The following RARB variants were observed in gnomAD, a reference collection of about 807,000 sequenced individuals.
RARB encodes the protein retinoic acid receptor beta, also known as HBV-activated protein.
In RARB, 17 loss-of-function variants were observed where a neutral mutation model predicts 51.9. The ratio of observed to expected loss-of-function variants is 0.33; its 90% confidence interval spans 0.22 to 0.49. RARB has a LOEUF of 0.49. Ranked by LOEUF, RARB falls within the 20% of genes least tolerant of loss-of-function variation. The pLI is 0.99. For synonymous variants in RARB, 215 were observed against 195.4 expected (o/e 1.10, Z -0.84); for missense variants, 369 against 550.8 (o/e 0.67, Z 3.30).
At chr3:25,343,087 T>C (rs1301437074) in intron 5 of RARB, among the ~76,000 whole-genome samples, 1 of 145,646 alleles carries the variant, frequency 6.9e-6, no homozygotes, top group Admixed American at 6.9e-5. Flanking sequence ...GCTGAGGCAG[T>C]AGTTAGAATA....
At chr3:24,894,403 A>G (rs1703441712) in intron 2 of RARB, among the ~76,000 whole-genome samples, 1 of 152,148 alleles carries the variant, frequency 6.6e-6, no homozygotes, top group African/African-American at 2.4e-5. Flanking sequence ...ACTTAGGATA[A>G]TGACCTCCAG....
At chr3:25,474,661 T>C (rs148142787) in intron 2 of RARB, among the ~76,000 whole-genome samples, 162 of 152,352 alleles carry the variant, frequency 1.1e-3, no homozygotes, top group African/African-American at 3.7e-3. Context: ...TCTTTTAGTA[T>C]GTTTGTTGTG....
Position 25,032,803 on chromosome 3 carries a change from A to G in RARB, c.-379-27322A>G, listed in dbSNP as rs567686545. ...CTAGTAACTTGCCTTCTAAGAATTT[A>G]TTCTGCAAATGTATTTATAAAAGTT... On this transcript the variant is annotated intron_variant, in intron 2 of 11. Coordinates refer to the RARB transcript ENST00000383772. 1.1e-4 allele frequency among the ~76,000 whole-genome samples: 16 copies of G among 152,330 alleles called. No individual in the cohort carries two copies. The South Asian group carries it at 1.2e-3, about 12-fold the overall frequency.
chr3:25,456,660 AAT>A (rs59052323), intron 1 of RARB, among the ~76,000 whole-genome samples: 3,164 of 95,950 alleles, frequency 0.033, 54 homozygotes, highest in African/African-American at 0.058. Context: ...GTGATATTTG[AAT>A]ATATATATAT....
intron 2 of RARB, among the ~76,000 whole-genome samples, chr3:24,997,475 C>G (rs539040126): frequency 2.3e-4 from 35 of 151,922 alleles, no homozygotes; most frequent in African/African-American, 8.4e-4. Context: ...ACTCCTGTCA[C>G]TTTATTGATT....
At chr3:25,139,739 A>G (rs1232174521) in intron 4 of RARB, among the ~76,000 whole-genome samples, 3 of 152,170 alleles carry the variant, frequency 2.0e-5, no homozygotes, top group African/African-American at 4.8e-5. Flanking sequence ...TATATTGGAA[A>G]AAGATGCCAT....
chr3:25,072,524 G>A (rs980759026), intron 3 of RARB, among the ~76,000 whole-genome samples: 2 of 152,132 alleles, frequency 1.3e-5, no homozygotes, highest in Admixed American at 1.3e-4. Flanking sequence ...AGCGATAACT[G>A]TTGGAAACAC....
At chr3:24,949,303 T>C (rs1449196466) in intron 2 of RARB, among the ~76,000 whole-genome samples, 5 of 152,210 alleles carry the variant, frequency 3.3e-5, no homozygotes, top group African/African-American at 4.8e-5. Context: ...TCAGAGCTGA[T>C]GTAGACATCC....
At chr3:25,130,834 C>T (rs949867426) in intron 3 of RARB, among the ~76,000 whole-genome samples, 4 of 149,512 alleles carry the variant, frequency 2.7e-5, no homozygotes, top group African/African-American at 5.1e-5. Context: ...AATTGTTCAT[C>T]TCTGCTTCCA....
chr3:25,132,337 A>G (rs1699967123), intron 4 of RARB, among the ~76,000 whole-genome samples: 1 of 151,892 alleles, frequency 6.6e-6, no homozygotes, highest in Non-Finnish European at 1.5e-5. Flanking sequence ...TTGTGCTTTC[A>G]TGATATTATT....
chr3:25,081,846 T>A (rs1699012083), intron 3 of RARB, among the ~76,000 whole-genome samples: 1 of 151,246 alleles, frequency 6.6e-6, no homozygotes, highest in Non-Finnish European at 1.5e-5. Context: ...TTGGCCAGGC[T>A]GGTCTCGAAC....
intron 2 of RARB, among the ~76,000 whole-genome samples, chr3:24,999,587 AG>A (rs1697115295): frequency 6.6e-6 from 1 of 152,216 alleles, no homozygotes; most frequent in Non-Finnish European, 1.5e-5. Flanking sequence ...ATAGAAGCAC[AG>A]GTGTTTCTTA....
Position 24,855,170 on chromosome 3 carries a change from G to A in RARB, c.-458-3504G>A, listed in dbSNP as rs1702615650. On this transcript the variant is annotated intron_variant, in intron 1 of 11. Coordinates refer to the RARB transcript ENST00000383772. Reference sequence around the variant, plus strand: ...AGAAGGTCAGGGTGCTCTGTGGGAAGGCTGTTAATTTTAAATAATGTGGTC... The same window carrying A: ...AGAAGGTCAGGGTGCTCTGTGGGAAAGCTGTTAATTTTAAATAATGTGGTC... 2.6e-5 allele frequency among the ~76,000 whole-genome samples: 4 copies of A among 152,298 alleles called. No individual in the cohort carries two copies. The South Asian group carries it at 8.3e-4, about 32-fold the overall frequency.
At chr3:25,023,066 G>C (rs567123839) in intron 2 of RARB, among the ~76,000 whole-genome samples, 76 of 152,150 alleles carry the variant, frequency 5.0e-4, no homozygotes, top group Non-Finnish European at 9.6e-4. Context: ...GGAGATATGG[G>C]TATTGATAGG....
chr3:24,855,297 A>C (rs1039895551), intron 1 of RARB, among the ~76,000 whole-genome samples: 1 of 152,198 alleles, frequency 6.6e-6, no homozygotes, highest in Non-Finnish European at 1.5e-5. Context: ...AAAAACAGCA[A>C]AGGTCCTGGG....
intron 5 of RARB, among the ~76,000 whole-genome samples, chr3:25,411,050 C>T (rs2125500566): frequency 6.6e-6 from 1 of 152,314 alleles, no homozygotes; most frequent in African/African-American, 2.4e-5. Context: ...GTCCCTTATA[C>T]AGTAAATACT....
At chr3:24,866,609 G>A (rs970345755) in intron 2 of RARB, among the ~76,000 whole-genome samples, 5 of 152,100 alleles carry the variant, frequency 3.3e-5, no homozygotes, top group South Asian at 4.1e-4. Context: ...CTCCCTCACC[G>A]GCCGAGGGGC....
At chr3:24,968,281 G>T (rs1696321311) in intron 2 of RARB, among the ~76,000 whole-genome samples, 1 of 152,060 alleles carries the variant, frequency 6.6e-6, no homozygotes, top group African/African-American at 2.4e-5. Context: ...CAGTTTTAAA[G>T]GGCTCCCTGA....
chr3:25,507,071 TCA>T (rs1398651131), intron 3 of RARB, among the ~76,000 whole-genome samples: 2 of 152,246 alleles, frequency 1.3e-5, no homozygotes, highest in Admixed American at 6.5e-5. Context: ...CCCTGTTTTC[TCA>T]CAGTGCTTCG....
Sources: gnomAD v4.1 joint callset for allele counts (sites outside exome capture counted in the v4.1 genomes callset) on GRCh38, gnomAD v4.1.1 for gene constraint, MANE v1.5 for transcripts, NCBI Gene and HGNC (gene_info 2026-07-23, HGNC 2026-07-21) for gene names.